The following GMDS variants were observed in gnomAD, a reference collection of about 807,000 sequenced individuals.
GMDS encodes GDP-mannose 4,6-dehydratase.
In GMDS, 20 loss-of-function variants were observed where a neutral mutation model predicts 49.9. The observed-to-expected ratio is 0.40, with a 90% CI of 0.28 to 0.58. The LOEUF (loss-of-function observed/expected upper bound fraction) is 0.58, where lower values mean the gene tolerates loss of function less well. Ranked by LOEUF, GMDS falls within the 20% of genes least tolerant of loss-of-function variation. The probability of loss-of-function intolerance (pLI) is 0.42; values close to 1 mark genes in which losing one functional copy is unlikely to be tolerated. For missense variants in GMDS, 362 were observed against 481.4 expected, an observed-to-expected ratio of 0.75 and a Z score of 2.32; for synonymous variants, 177 against 178.6, an observed-to-expected ratio of 0.99 and a Z score of 0.07.
chr6:1,857,576 G>A (rs950909761), intron 7 of GMDS, among the ~76,000 whole-genome samples: 1 of 152,104 alleles, frequency 6.6e-6, no homozygotes, highest in African/African-American at 2.4e-5. Flanking sequence ...GCCTCTTATG[G>A]TTAAATATAT....
chr6:2,083,422 A>G (rs899295916), intron 4 of GMDS, among the ~76,000 whole-genome samples: 16 of 152,184 alleles, frequency 1.1e-4, no homozygotes, highest in African/African-American at 2.7e-4. Flanking sequence ...CACAAAAACC[A>G]TAAATACATC....
At chr6:1,714,903 G>A (rs987904658) in intron 9 of GMDS, among the ~76,000 whole-genome samples, 14 of 152,270 alleles carry the variant, frequency 9.2e-5, no homozygotes, top group African/African-American at 1.2e-4. Context: ...CCGGGCTGCA[G>A]TGGCTGTAAT....
At chr6:1,716,317 C>A (rs1473055747) in intron 9 of GMDS, among the ~76,000 whole-genome samples, 2 of 152,148 alleles carry the variant, frequency 1.3e-5, no homozygotes, top group Non-Finnish European at 2.9e-5. Flanking sequence ...GTCTCAAACA[C>A]AAAACTTGTT....
chr6:1,932,314 C>T (rs1468705379), intron 6 of GMDS, among the ~76,000 whole-genome samples: 1 of 152,104 alleles, frequency 6.6e-6, no homozygotes, highest in Non-Finnish European at 1.5e-5. Context: ...TTCCGAGCAA[C>T]CCATGTGCTA....
chr6:1,843,139 A>AAAATAAAATAAAAT, intron 7 of GMDS, among the ~76,000 whole-genome samples: 1 of 151,620 alleles, frequency 6.6e-6, no homozygotes, highest in Admixed American at 6.6e-5. Context: ...AAAATAAAAT[A>AAAATAAAATAAAAT]AAATAAAATA....
intron 4 of GMDS, among the ~76,000 whole-genome samples, chr6:2,113,640 G>A (rs779166990): frequency 1.3e-4 from 19 of 151,812 alleles, no homozygotes; most frequent in African/African-American, 2.9e-4. Flanking sequence ...AGCCAGTGTC[G>A]GTTCCGCCTC....
At chr6:2,030,007 T>C (rs779098184) in intron 4 of GMDS, among the ~76,000 whole-genome samples, 21 of 152,218 alleles carry the variant, frequency 1.4e-4, no homozygotes, top group South Asian at 4.2e-4. Flanking sequence ...ATCCAACTCG[T>C]GAACTGCCTT....
chr6:2,039,248 C>T (rs1230997642), intron 4 of GMDS, among the ~76,000 whole-genome samples: 1 of 152,110 alleles, frequency 6.6e-6, no homozygotes, highest in Non-Finnish European at 1.5e-5. Flanking sequence ...ATGAATGGAG[C>T]TTGCAGGACT....
intron 4 of GMDS, among the ~76,000 whole-genome samples, chr6:2,069,752 A>G (rs1023589440): frequency 1.1e-4 from 17 of 152,138 alleles, no homozygotes; most frequent in African/African-American, 4.1e-4. Flanking sequence ...GGCAATCATT[A>G]AAAAGTCAAG....
chr6:2,034,683 G>C (rs1342339646), intron 4 of GMDS, among the ~76,000 whole-genome samples: 5 of 152,216 alleles, frequency 3.3e-5, no homozygotes, highest in Admixed American at 2.0e-4. Context: ...TGGAAGTCCA[G>C]AGAGTGTCCA....
chr6:2,063,319 T>A (rs1309281598), intron 4 of GMDS, among the ~76,000 whole-genome samples: 1 of 152,264 alleles, frequency 6.6e-6, no homozygotes, highest in Admixed American at 6.5e-5. Context: ...AAAGTTTTAA[T>A]TTCTTAAGGA....
rs1331650101 is a variant in GMDS, at chr6:2,121,096, C to T, written c.148-3540G>A. ...AGTCTCAGAGGGGTTGAGTGACTTG[C>T]CCAGGGTCACGGAGCCTGAAAGTGG... is the stretch of plus-strand genomic sequence containing the variant. On this transcript the variant is annotated intron_variant, in intron 2 of 10. Coordinates refer to ENST00000380815, the MANE Select transcript of GMDS (RefSeq NM_001500.4). Among the ~76,000 whole-genome samples the T allele has an allele frequency of 2.0e-5, 3 of 152,194 alleles. No homozygotes were observed. In the East Asian group the frequency reaches 5.8e-4, roughly 29 times the overall value.
At chr6:2,123,307 T>C (rs922469644) in intron 2 of GMDS, among the ~76,000 whole-genome samples, 1 of 152,216 alleles carries the variant, frequency 6.6e-6, no homozygotes, top group African/African-American at 2.4e-5. Flanking sequence ...TCAGCCCACC[T>C]TGTCCCCCTA....
At chr6:2,184,028 T>TTA (rs1278963298) in intron 1 of GMDS, among the ~76,000 whole-genome samples, 1 of 152,174 alleles carries the variant, frequency 6.6e-6, no homozygotes. Context: ...TATGCATAAG[T>TTA]TATATATAAC....
At chr6:1,688,290 C>G (rs1765055567) in intron 9 of GMDS, among the ~76,000 whole-genome samples, 1 of 152,224 alleles carries the variant, frequency 6.6e-6, no homozygotes, top group African/African-American at 2.4e-5. Flanking sequence ...ATTTTCTCTA[C>G]CAGTCTCAGA....
Position 1,912,882 on chromosome 6 carries a change from G to GCTGGGATT in GMDS, c.771+17213_771+17220dup, listed in dbSNP as rs561643254. Among the ~76,000 whole-genome samples, 606 of 152,272 alleles carry GCTGGGATT rather than the reference G, an allele frequency of 4.0e-3. 1 individual carries two copies. Among genetic ancestry groups the GCTGGGATT allele is most frequent in the Non-Finnish European group, 5.0e-3 (343 of 68,014 alleles). Reference sequence around the variant, plus strand: ...CCTCTGAAAATGTGCCCAGTGACCAGCTGGGATTCTCTGTGTGTACCACAA... The same window carrying GCTGGGATT: ...CCTCTGAAAATGTGCCCAGTGACCAGCTGGGATTCTGGGATTCTCTGTGTGTACCACAA... On this transcript the variant is annotated intron_variant, in intron 7 of 10. Transcript: ENST00000380815.
chr6:1,661,180 T>C (rs189502946), intron 9 of GMDS, among the ~76,000 whole-genome samples: 20 of 152,246 alleles, frequency 1.3e-4, no homozygotes, highest in Non-Finnish European at 2.8e-4. Flanking sequence ...GAAGTCTGCG[T>C]ACAGGCCTCA....
At chr6:2,173,279 A>T (rs971997852) in intron 1 of GMDS, among the ~76,000 whole-genome samples, 1 of 152,254 alleles carries the variant, frequency 6.6e-6, no homozygotes, top group Non-Finnish European at 1.5e-5. Context: ...ATCCAAAAAG[A>T]GCAGGAGGGT....
At chr6:1,930,330 T>C in intron 6 of GMDS, 100 bp from the exon 7 acceptor site, 2 of 841,052 alleles carry the variant, frequency 2.4e-6, no homozygotes, top group Non-Finnish European at 3.9e-6. Flanking sequence ...ATTTCTTTCA[T>C]TCTACACTCC....
Sources: gnomAD v4.1 joint callset for allele counts (sites outside exome capture counted in the v4.1 genomes callset) on GRCh38, gnomAD v4.1.1 for gene constraint, MANE v1.5 for transcripts, NCBI Gene and HGNC (gene_info 2026-07-23, HGNC 2026-07-21) for gene names.